The following VAPA variants were observed in gnomAD, a reference collection of about 807,000 sequenced individuals.
VAPA encodes VAMP associated protein A.
In VAPA, 6 loss-of-function variants were observed where a neutral mutation model predicts 25.6. The observed-to-expected ratio is 0.23, with a 90% CI of 0.13 to 0.46. The LOEUF is 0.46. Ranked by LOEUF, VAPA falls within the 20% of genes least tolerant of loss-of-function variation. The probability of loss-of-function intolerance (pLI) is 0.99; values close to 1 mark genes in which losing one functional copy is unlikely to be tolerated. For missense variants in VAPA, 244 were observed against 302.1 expected (o/e 0.81, Z 1.43); for synonymous variants, 112 against 106.2 (o/e 1.05, Z -0.34).
At chr18:9,938,415 G>A (rs1255379806) in intron 4 of VAPA, among the ~76,000 whole-genome samples, 1 of 152,140 alleles carries the variant, frequency 6.6e-6, no homozygotes, top group African/African-American at 2.4e-5. Flanking sequence ...GGAATGATAC[G>A]GCAATGACAG....
At chr18:9,944,668 A>T (rs1212446093) in intron 4 of VAPA, among the ~76,000 whole-genome samples, 1 of 152,284 alleles carries the variant, frequency 6.6e-6, no homozygotes, top group Non-Finnish European at 1.5e-5. Context: ...ATTTTAATAA[A>T]GTATGTACAT....
intron 1 of VAPA, among the ~76,000 whole-genome samples, chr18:9,927,511 G>A (rs1428006781): frequency 6.7e-6 from 1 of 148,688 alleles, no homozygotes; most frequent in South Asian, 2.1e-4. Flanking sequence ...TTAGCTTAGT[G>A]GGATTCCTTT....
intron 1 of VAPA, among the ~76,000 whole-genome samples, chr18:9,921,532 A>G (rs900353802): frequency 1.3e-5 from 2 of 152,246 alleles, no homozygotes; most frequent in Non-Finnish European, 2.9e-5. Flanking sequence ...GTATACATAT[A>G]ACATGATGTT....
At chr18:9,930,024 C>T (rs559465180) in intron 1 of VAPA, among the ~76,000 whole-genome samples, 2 of 152,128 alleles carry the variant, frequency 1.3e-5, no homozygotes, top group African/African-American at 4.8e-5. Flanking sequence ...TTTCAGAATT[C>T]GTACAACTCT....
chr18:9,939,127 C>T (rs565409193), intron 4 of VAPA, among the ~76,000 whole-genome samples: 264 of 149,298 alleles, frequency 1.8e-3, no homozygotes, highest in Middle Eastern at 6.9e-3. Flanking sequence ...ATTTTTTTTT[C>T]TGCAGTTTGT....
At chr18:9,924,522 C>G (rs996300421) in intron 1 of VAPA, among the ~76,000 whole-genome samples, 3 of 152,230 alleles carry the variant, frequency 2.0e-5, no homozygotes, top group East Asian at 1.9e-4. Context: ...GCCTTGTTTT[C>G]AAGATTATGT....
At chr18:9,928,033 AAC>A (rs369984569) in intron 1 of VAPA, among the ~76,000 whole-genome samples, 1 of 152,136 alleles carries the variant, frequency 6.6e-6, no homozygotes, top group Non-Finnish European at 1.5e-5. Context: ...GTTCATTATA[AAC>A]AGTGACATAT....
At chr18:9,946,674 C>T (rs958401745) in intron 4 of VAPA, among the ~76,000 whole-genome samples, 1 of 151,894 alleles carries the variant, frequency 6.6e-6, no homozygotes, top group African/African-American at 2.4e-5. Context: ...GTGAATGGAT[C>T]TTGCAGAACT....
chr18:9,944,912 A>C, intron 4 of VAPA: 1 of 1,613,338 alleles, frequency 6.2e-7, no homozygotes, highest in South Asian at 1.1e-5. Context: ...TATGTTTCCC[A>C]TGCCATCTCA....
chr18:9,942,274 G>A lies in VAPA; in HGVS notation c.417+5208G>A, dbSNP rs139845284. 2.5e-3 allele frequency among the ~76,000 whole-genome samples: 374 copies of A among 152,200 alleles called. 1 individual carries two copies. The highest frequency in any genetic ancestry group is 4.1e-3 in the Non-Finnish European group (281 of 67,998). On this transcript the variant is annotated intron_variant, in intron 4 of 5. Coordinates refer to ENST00000400000, the MANE Select transcript of VAPA (RefSeq NM_194434.3). ...CCTCAGATAAGCACCATTTTTATGGGTCACTTTATTTTAAAGAGTCGATCA... is the reference window on the plus strand; with the variant it reads ...CCTCAGATAAGCACCATTTTTATGGATCACTTTATTTTAAAGAGTCGATCA...
intron 3 of VAPA, chr18:9,936,528 A>G (rs1599108054): frequency 4.6e-6 from 1 of 215,704 alleles, no homozygotes; most frequent in East Asian, 1.0e-4. Flanking sequence ...AGGCGACATG[A>G]CAAGACCCTG....
chr18:9,918,562 G>A (rs2069131539), intron 1 of VAPA, among the ~76,000 whole-genome samples: 1 of 152,054 alleles, frequency 6.6e-6, no homozygotes, highest in Non-Finnish European at 1.5e-5. Flanking sequence ...TAACAGCATT[G>A]TCTTCTAATT....
chr18:9,945,836 T>TG (rs965392698), intron 4 of VAPA, among the ~76,000 whole-genome samples: 5 of 152,206 alleles, frequency 3.3e-5, no homozygotes, highest in Admixed American at 1.3e-4. Flanking sequence ...CTGTTTAGAG[T>TG]GGGAAAAAAA....
intron 1 of VAPA, among the ~76,000 whole-genome samples, chr18:9,927,588 G>C (rs140896598): frequency 6.6e-6 from 1 of 151,552 alleles, no homozygotes; most frequent in Admixed American, 6.6e-5. Context: ...CTGAATGGTT[G>C]AATTTTACAC....
At position 9,939,711 on chromosome 18, in the gene VAPA, C is replaced by T. The variant is rs969324468; in HGVS notation, c.417+2645C>T. 6.6e-5 allele frequency among the ~76,000 whole-genome samples: 10 copies of T among 152,094 alleles called. No individual in the cohort carries two copies. In the East Asian group the frequency reaches 1.7e-3, roughly 26 times the overall value. On this transcript the variant is annotated intron_variant, in intron 4 of 5. Transcript: ENST00000400000. ...CTTATCCAGGGGCAATCGATTTGCT[C>T]CTCTGGGGACCGTGCTTGGAAACAT...
chr18:9,941,089 C>T (rs899099284), intron 4 of VAPA, among the ~76,000 whole-genome samples: 11 of 151,484 alleles, frequency 7.3e-5, no homozygotes, highest in African/African-American at 2.2e-4. Context: ...TCTGAGAAAA[C>T]GTAACGGTAA....
At chr18:9,929,353 G>A (rs1057339912) in intron 1 of VAPA, among the ~76,000 whole-genome samples, 1 of 152,076 alleles carries the variant, frequency 6.6e-6, no homozygotes, top group Non-Finnish European at 1.5e-5. Context: ...GGTTATGTTT[G>A]TAGCACTTTC....
intron 4 of VAPA, among the ~76,000 whole-genome samples, chr18:9,940,455 A>G (rs1009584405): frequency 6.6e-6 from 1 of 152,038 alleles, no homozygotes; most frequent in Non-Finnish European, 1.5e-5. Flanking sequence ...CTTTCTGTTC[A>G]TTTTTTTGAC....
intron 5 of VAPA, among the ~76,000 whole-genome samples, chr18:9,953,697 G>A (rs1243351208): frequency 6.6e-6 from 1 of 151,598 alleles, no homozygotes; most frequent in African/African-American, 2.4e-5. Flanking sequence ...ATTTTTAGTG[G>A]GATTTAAAAA....
Sources: gnomAD v4.1 joint callset for allele counts (sites outside exome capture counted in the v4.1 genomes callset) on GRCh38, gnomAD v4.1.1 for gene constraint, MANE v1.5 for transcripts, NCBI Gene and HGNC (gene_info 2026-07-23, HGNC 2026-07-21) for gene names.